PDE9A: variants seen among roughly 807,000 people sequenced by gnomAD.
PDE9A encodes high affinity cGMP-specific 3',5'-cyclic phosphodiesterase 9A.
In PDE9A, 60 loss-of-function variants were observed where a neutral mutation model predicts 87.4. The observed-to-expected ratio is 0.69, with a 90% CI of 0.56 to 0.85. The LOEUF is 0.85. Among genes scored for constraint, PDE9A ranks in the 40% least tolerant of loss-of-function variants. The probability of loss-of-function intolerance (pLI) is 0.00; values close to 1 mark genes in which losing one functional copy is unlikely to be tolerated. For synonymous variants in PDE9A, 272 were observed against 279.4 expected (o/e 0.97, Z 0.27); for missense variants, 665 against 779.0 (o/e 0.85, Z 1.74).
rs375142165 is a variant in PDE9A at position 42,716,999 on chromosome 21, G to A, written c.263-14771G>A. On this transcript the variant is annotated intron_variant, in intron 4 of 19. Transcript: ENST00000291539. ...ACTCCTGACCTCAAGTGATCCACCC[G>A]CCTCAGCCTCCCAAAGTGCTGGGAT... 1.9e-4 allele frequency among the ~76,000 whole-genome samples: 28 copies of A among 151,254 alleles called. 1 individual carries two copies. In the East Asian group the frequency reaches 4.7e-3, roughly 25 times the overall value.
intron 1 of PDE9A, among the ~76,000 whole-genome samples, chr21:42,672,787 G>A (rs147341027): frequency 7.2e-5 from 11 of 152,344 alleles, no homozygotes; most frequent in African/African-American, 2.2e-4. Flanking sequence ...AGCTTCTGTC[G>A]CACTGTGGAC....
intron 4 of PDE9A, 144 bp downstream of exon 4, chr21:42,699,155 T>C: frequency 1.6e-6 from 1 of 612,536 alleles, no homozygotes; most frequent in Non-Finnish European, 2.9e-6. Context: ...TTTAACTATA[T>C]GTTAGTTAAG....
chr21:42,698,093 T>C lies in PDE9A; in HGVS notation c.219-875T>C, dbSNP rs914405198. 2.0e-5 allele frequency among the ~76,000 whole-genome samples: 3 copies of C among 152,214 alleles called. No individual in the cohort carries two copies. In the East Asian group the frequency reaches 5.8e-4, roughly 29 times the overall value. ...ATCTGACTGTCTCCCTGTGTGCTTG[T>C]GTTTCATTCTGATACATCCCTCCCT... On this transcript the variant is annotated intron_variant, in intron 3 of 19. Coordinates refer to ENST00000291539, the MANE Select transcript of PDE9A (RefSeq NM_002606.3).
At chr21:42,693,588 CTTTTTTT>C (rs371936659) in intron 3 of PDE9A, among the ~76,000 whole-genome samples, 1 of 124,384 alleles carries the variant, frequency 8.0e-6, no homozygotes, top group Non-Finnish European at 1.7e-5. Flanking sequence ...CCGCGTCCTA[CTTTTTTT>C]TTTTTTTTTT....
At chr21:42,688,535 C>G (rs1262241891) in intron 3 of PDE9A, among the ~76,000 whole-genome samples, 3 of 152,188 alleles carry the variant, frequency 2.0e-5, no homozygotes, top group Admixed American at 6.5e-5. Context: ...GTGTATGGCC[C>G]AGGAAGGACG....
At chr21:42,657,863 T>C (rs2057202770) in intron 1 of PDE9A, among the ~76,000 whole-genome samples, 1 of 152,208 alleles carries the variant, frequency 6.6e-6, no homozygotes, top group Admixed American at 6.5e-5. Context: ...GGTGTTCTGG[T>C]CTTGGCCTTG....
chr21:42,749,084 C>T (rs1202500198), intron 8 of PDE9A, among the ~76,000 whole-genome samples: 5 of 152,176 alleles, frequency 3.3e-5, no homozygotes, highest in Non-Finnish European at 2.9e-5. Context: ...CAGCAGATCA[C>T]ACCACGGTGA....
chr21:42,760,515 C>G lies in PDE9A; in HGVS notation c.1002+83C>G. The G allele has an allele frequency of 1.2e-6, 1 of 850,376 alleles. No homozygotes were observed. Among genetic ancestry groups the G allele is most frequent in the Middle Eastern group, 2.2e-4 (1 of 4,494 alleles). 52.7% of individuals were successfully genotyped at this position (850,376 alleles called of 1,614,324 possible). ...CCTTCCAGGGAGCGGCAGCCCCATC[C>G]CACCAAGAGAGCCACAGGCGTGGGG... On this transcript the variant is annotated intron_variant, in intron 12 of 19. Coordinates refer to ENST00000291539, the MANE Select transcript of PDE9A (RefSeq NM_002606.3). The surrounding 1 kb of genome is among the most constrained non-coding windows in gnomAD (Gnocchi z 5.2).
At chr21:42,671,810 G>A (rs756615288) in intron 1 of PDE9A, among the ~76,000 whole-genome samples, 4 of 152,070 alleles carry the variant, frequency 2.6e-5, no homozygotes, top group Admixed American at 1.3e-4. Flanking sequence ...TGGAATTATC[G>A]AGCGCTGAAA....
intron 1 of PDE9A, among the ~76,000 whole-genome samples, chr21:42,671,859 T>TTTCTCCCTC (rs1404674001): frequency 1.3e-5 from 2 of 152,300 alleles, no homozygotes; most frequent in Admixed American, 1.3e-4. Context: ...CCCTCAAAGA[T>TTTCTCCCTC]AGAAATGTGT....
Position 42,759,789 on chromosome 21 carries a change from G to A in PDE9A, c.898-539G>A. ...TGCATGTGTGTATCTGGATGTGGGG[G>A]TGTGTGAGGGTGGATGTGTGCATGT... On this transcript the variant is annotated intron_variant, in intron 11 of 19. Coordinates refer to ENST00000291539, the MANE Select transcript of PDE9A (RefSeq NM_002606.3). The surrounding 1 kb of genome is among the most constrained non-coding windows in gnomAD (Gnocchi z 7.2). Among the ~76,000 whole-genome samples the A allele has an allele frequency of 6.7e-6, 1 of 149,742 alleles. No individual in the cohort carries two copies. The highest frequency in any genetic ancestry group is 2.1e-4 in the South Asian group (1 of 4,688).
chr21:42,711,871 G>A (rs371607076), intron 4 of PDE9A, among the ~76,000 whole-genome samples: 3 of 152,218 alleles, frequency 2.0e-5, no homozygotes, highest in African/African-American at 7.2e-5. Context: ...TGGTATCTCT[G>A]TGTTTGGGCC....
At chr21:42,656,243 A>G (rs9985027) in intron 1 of PDE9A, among the ~76,000 whole-genome samples, 7,948 of 152,142 alleles carry the variant, frequency 0.052, 264 homozygotes, top group South Asian at 0.11. Context: ...GAGATAAGGG[A>G]TGTGTTGCTT....
chr21:42,743,940 G>C, intron 8 of PDE9A, 80 bp downstream of exon 8: 2 of 837,136 alleles, frequency 2.4e-6, no homozygotes, highest in East Asian at 2.7e-5. Flanking sequence ...TGTGGGCTTT[G>C]TTTGCCTAAA....
At position 42,660,151 on chromosome 21, in the gene PDE9A, G is replaced by A. The variant is rs1263070904; in HGVS notation, c.69+6268G>A. Among the ~76,000 whole-genome samples the A allele has an allele frequency of 6.6e-6, 1 of 152,168 alleles. No homozygotes were observed. The highest frequency in any genetic ancestry group is 1.9e-4 in the East Asian group (1 of 5,190). On this transcript the variant is annotated intron_variant, in intron 1 of 19. Transcript: ENST00000291539. This position sits in a 1 kb window ranked among gnomAD's most constrained non-coding sequence, Gnocchi z 4.7. ...CAATCACCTGCTCCCCTGGGTGCAGGTGACCCAGCAAGCCGCACTCCTGGG... is the reference window on the plus strand; with the variant it reads ...CAATCACCTGCTCCCCTGGGTGCAGATGACCCAGCAAGCCGCACTCCTGGG...
intron 1 of PDE9A, among the ~76,000 whole-genome samples, chr21:42,679,511 C>A (rs1403058943): frequency 1.3e-5 from 2 of 152,152 alleles, no homozygotes; most frequent in Non-Finnish European, 2.9e-5. Flanking sequence ...AGTGTCTCTT[C>A]TCAGCCTCAC....
At chr21:42,732,643 G>A (rs907545221) in intron 6 of PDE9A, among the ~76,000 whole-genome samples, 6 of 152,092 alleles carry the variant, frequency 3.9e-5, no homozygotes, top group South Asian at 2.1e-4. Context: ...GGCCGGGTGC[G>A]GTGGCTCACG....
chr21:42,693,092 C>G (rs2059944902), intron 3 of PDE9A, among the ~76,000 whole-genome samples: 1 of 152,176 alleles, frequency 6.6e-6, no homozygotes, highest in Non-Finnish European at 1.5e-5. Flanking sequence ...CGGTGACCCA[C>G]GGGGCCTGGA....
In PDE9A at chr21:42,686,251, C is replaced by T. The variant is rs148274561; in HGVS notation, c.129C>T (p.Thr43=). The stretch of plus-strand genomic sequence containing the variant: ...TCATGGACCTGTTCTGCATCGCCAC[C>T]GGCCTGCCTCGGTGAGTGCGCGCTG... ...SDIMDLFCIA[T]GLPRNTTISL... The change falls in exon 2 of 20, where the codon ACC becomes ACT. Residue 43 remains threonine, a synonymous_variant. Transcript: ENST00000291539. 1.2e-4 allele frequency: 200 copies of T among 1,612,990 alleles called. No individual in the cohort carries two copies. The highest frequency in any genetic ancestry group is 1.7e-4 in the Middle Eastern group (1 of 6,058).
Sources: gnomAD v4.1 joint callset for allele counts (sites outside exome capture counted in the v4.1 genomes callset) on GRCh38, gnomAD v4.1.1 for gene constraint, Gnocchi (gnomAD v3.1) non-coding constraint, MANE v1.5 for transcripts, NCBI Gene and HGNC (gene_info 2026-07-23, HGNC 2026-07-21) for gene names.